BNC2: variants seen among roughly 807,000 people sequenced by gnomAD.
The protein encoded by BNC2 is basonuclin zinc finger protein 2.
Under a neutral mutation model 76.3 loss-of-function variants are expected in BNC2, and 20 were observed. The observed-to-expected ratio is 0.26, with a 90% confidence interval of 0.18 to 0.38. The LOEUF (loss-of-function observed/expected upper bound fraction) is 0.38. BNC2 is among the 10% of genes least tolerant of loss of function. The pLI is 1.00. For missense variants in BNC2, 1,382 were observed against 1,399.8 expected (o/e 0.99, Z 0.20); for synonymous variants, 582 against 514.8 (o/e 1.13, Z -1.77).
intron 5 of BNC2, among the ~76,000 whole-genome samples, chr9:16,514,517 A>G (rs903053397): frequency 3.3e-5 from 5 of 152,134 alleles, no homozygotes; most frequent in African/African-American, 1.2e-4. Flanking sequence ...GGGGAAAAAT[A>G]CTGGTAATAA....
At chr9:16,850,918 T>TTA (rs1257631224) in intron 1 of BNC2, among the ~76,000 whole-genome samples, 12 of 152,148 alleles carry the variant, frequency 7.9e-5, no homozygotes, top group Admixed American at 5.9e-4. Flanking sequence ...CATGGAAGAT[T>TTA]TGCTAGCACC....
intron 2 of BNC2, among the ~76,000 whole-genome samples, chr9:16,730,051 G>A (rs978827495): frequency 2.7e-5 from 4 of 150,230 alleles, no homozygotes; most frequent in African/African-American, 7.4e-5. Flanking sequence ...CCCCCACCCC[G>A]TTTTTTCTCA....
chr9:16,469,575 A>C (rs1438132559), intron 5 of BNC2, among the ~76,000 whole-genome samples: 2 of 152,190 alleles, frequency 1.3e-5, no homozygotes, highest in Non-Finnish European at 2.9e-5. Flanking sequence ...AAACAAACTA[A>C]TACAGTAAAT....
chr9:16,443,535 C>T (rs1821172042), intron 5 of BNC2, among the ~76,000 whole-genome samples: 1 of 146,690 alleles, frequency 6.8e-6, no homozygotes, highest in Admixed American at 6.6e-5. Context: ...ACAGTAATTG[C>T]TGAATTAAAA....
At chr9:16,551,683 C>T (rs1004333288) in intron 5 of BNC2, among the ~76,000 whole-genome samples, 1 of 152,226 alleles carries the variant, frequency 6.6e-6, no homozygotes, top group African/African-American at 2.4e-5. Flanking sequence ...ATCCTGGGAT[C>T]TCCCAAAATG....
chr9:16,679,266 C>T (rs1319312550), intron 3 of BNC2, among the ~76,000 whole-genome samples: 1 of 152,116 alleles, frequency 6.6e-6, no homozygotes, highest in Non-Finnish European at 1.5e-5. Flanking sequence ...CCTTACTATA[C>T]TCCATACCGT....
At chr9:16,620,528 A>G (rs1820836809) in intron 3 of BNC2, among the ~76,000 whole-genome samples, 1 of 152,182 alleles carries the variant, frequency 6.6e-6, no homozygotes, top group Admixed American at 6.5e-5. Flanking sequence ...CCAAATGATG[A>G]CTTAGTAGCT....
intron 5 of BNC2, among the ~76,000 whole-genome samples, chr9:16,524,958 A>C (rs1476242470): frequency 6.6e-6 from 1 of 151,952 alleles, no homozygotes; most frequent in African/African-American, 2.4e-5. Flanking sequence ...CTGCAGTCCT[A>C]GCCACTCAGA....
At chr9:16,462,503 C>A (rs938072365) in intron 5 of BNC2, among the ~76,000 whole-genome samples, 1 of 151,936 alleles carries the variant, frequency 6.6e-6, no homozygotes, top group Admixed American at 6.6e-5. Flanking sequence ...ATGATTAACA[C>A]GAAGAGCCAA....
intron 1 of BNC2, among the ~76,000 whole-genome samples, chr9:16,764,316 C>T (rs577519090): frequency 3.7e-4 from 56 of 152,276 alleles, no homozygotes; most frequent in East Asian, 1.2e-3. Context: ...AGTCTATGCA[C>T]GGCATACCAA....
intron 3 of BNC2, among the ~76,000 whole-genome samples, chr9:16,725,323 T>G (rs2134942097): frequency 6.6e-6 from 1 of 151,874 alleles, no homozygotes; most frequent in South Asian, 2.1e-4. Flanking sequence ...GCACACATAC[T>G]TTCACTCACA....
intron 1 of BNC2, among the ~76,000 whole-genome samples, chr9:16,743,789 C>T (rs1376512457): frequency 6.6e-6 from 1 of 152,130 alleles, no homozygotes; most frequent in Non-Finnish European, 1.5e-5. Context: ...CCTTTTTTCT[C>T]CCCCATTCCA....
intron 5 of BNC2, among the ~76,000 whole-genome samples, chr9:16,512,274 G>A (rs549125117): frequency 1.3e-5 from 2 of 152,244 alleles, no homozygotes; most frequent in South Asian, 2.1e-4. Flanking sequence ...TAAAAATCAT[G>A]CTATTTCAAC....
chr9:16,496,236 A>C (rs1048806608), intron 5 of BNC2, among the ~76,000 whole-genome samples: 2 of 152,114 alleles, frequency 1.3e-5, no homozygotes, highest in African/African-American at 4.8e-5. Flanking sequence ...AAAAACAAAA[A>C]AACAAAACAA....
chr9:16,589,516 T>TGTTTGTTC (rs1587206731), intron 3 of BNC2, among the ~76,000 whole-genome samples: 1 of 151,204 alleles, frequency 6.6e-6, no homozygotes, highest in African/African-American at 2.4e-5. Flanking sequence ...TTTGTTTGTT[T>TGTTTGTTC]GTTTGTTTTT....
At chr9:16,608,220 A>G (rs976962798) in intron 3 of BNC2, among the ~76,000 whole-genome samples, 5 of 152,158 alleles carry the variant, frequency 3.3e-5, no homozygotes, top group East Asian at 1.9e-4. Context: ...TGAGACCCCA[A>G]TTCCTCACTT....
chr9:16,539,803 G>A (rs201136296), intron 5 of BNC2, among the ~76,000 whole-genome samples: 1,497 of 128,386 alleles, frequency 0.012, 40 homozygotes, highest in African/African-American at 0.039. Flanking sequence ...GGAAAGGAAA[G>A]GAAAGGAAAG....
In BNC2 at chr9:16,437,164, G is replaced by T. The variant is rs937371808; in HGVS notation, c.1030C>A (p.Leu344Met). 22 of 1,614,098 alleles carry T rather than the reference G, an allele frequency of 1.4e-5. No homozygotes were observed. The highest frequency in any genetic ancestry group is 1.9e-5 in the Non-Finnish European group (22 of 1,180,040). The change falls in exon 6 of 7, where the codon CTG (leucine) becomes ATG (methionine). Residue 344 changes from leucine to methionine, a missense_variant. Transcript: ENST00000380672. Reference sequence around the variant, plus strand: ...AGCCTCAACCCTGGTTGCTCTAACAGTAGCCCATTTGGAGGCAACCCTAGC... The same window carrying T: ...AGCCTCAACCCTGGTTGCTCTAACATTAGCCCATTTGGAGGCAACCCTAGC... Reference protein sequence around the residue: ...PLLGLPPNGLLLEQPGLRLRE... With the variant: ...PLLGLPPNGLMLEQPGLRLRE...
chr9:16,674,124 C>T (rs76314982), intron 3 of BNC2, among the ~76,000 whole-genome samples: 3,503 of 152,284 alleles, frequency 0.023, 142 homozygotes, highest in African/African-American at 0.078. Flanking sequence ...GCATCAATTT[C>T]ATATCCTCAT....
Sources: allele counts gnomAD v4.1 joint callset (sites outside exome capture counted in the v4.1 genomes callset), GRCh38; gene constraint gnomAD v4.1.1; transcripts MANE v1.5; gene names NCBI Gene and HGNC (gene_info 2026-07-23, HGNC 2026-07-21).